Variants in UGGT1 observed in about 807,000 individuals in gnomAD.
UGGT1 encodes the protein UDP-glucose glycoprotein glucosyltransferase 1.
A neutral mutation model predicts 203.9 loss-of-function variants in UGGT1; 107 were observed. The ratio of observed to expected loss-of-function variants is 0.52; its 90% CI spans 0.45 to 0.62. The LOEUF (loss-of-function observed/expected upper bound fraction) is 0.62. Ranked by LOEUF, UGGT1 falls within the 20% of genes least tolerant of loss-of-function variation. The pLI, the probability that UGGT1 is intolerant of heterozygous loss-of-function variation, is 0.00. For missense variants in UGGT1, 1,673 were observed against 1,867.2 expected (o/e 0.90, Z 1.92); for synonymous variants, 628 against 653.5 (o/e 0.96, Z 0.59).
intron 11 of UGGT1, among the ~76,000 whole-genome samples, chr2:128,126,810 G>A (rs149230167): frequency 6.7e-6 from 1 of 149,288 alleles, no homozygotes; most frequent in African/African-American, 2.5e-5. Flanking sequence ...AGCCTCCTAG[G>A]CAGCTGGGAC....
chr2:128,187,879 T>C (rs1270745815), intron 40 of UGGT1, among the ~76,000 whole-genome samples: 3 of 152,018 alleles, frequency 2.0e-5, no homozygotes, highest in Non-Finnish European at 2.9e-5. Context: ...ATTATAGTTA[T>C]TTAGGTTCAT....
At position 128,152,767 on chromosome 2, in the gene UGGT1, CTTT is replaced by C; in HGVS notation, c.2017-10_2017-8del. 1 of 1,572,474 alleles carries C rather than the reference CTTT, an allele frequency of 6.4e-7. No homozygotes were observed. Among genetic ancestry groups the C allele is most frequent in the Non-Finnish European group, 8.6e-7 (1 of 1,161,174 alleles). On this transcript the variant is annotated splice_polypyrimidine_tract_variant and intron_variant, in intron 18 of 40. Coordinates refer to ENST00000259253, the MANE Select transcript of UGGT1 (RefSeq NM_020120.4). ...TGCTTTACCCTCCCCCCTCAACCTCCTTTTTTTTTCTTGCAGGGTGAACTGCCC... is the reference window on the plus strand; with the variant it reads ...TGCTTTACCCTCCCCCCTCAACCTCCTTTTTTCTTGCAGGGTGAACTGCCC...
chr2:128,147,619 T>G (rs1558793688), intron 18 of UGGT1, among the ~76,000 whole-genome samples: 1 of 152,080 alleles, frequency 6.6e-6, no homozygotes, highest in Non-Finnish European at 1.5e-5. Context: ...GTCTTTTTTT[T>G]TTTGTTTCTG....
At chr2:128,183,956 G>A (rs901545307) in intron 38 of UGGT1, among the ~76,000 whole-genome samples, 167 bp downstream of exon 38, 2 of 151,730 alleles carry the variant, frequency 1.3e-5, no homozygotes, top group Non-Finnish European at 2.9e-5. Context: ...GAGAGAGAGA[G>A]AGAGATTTTT....
Position 128,169,096 on chromosome 2 carries a change from A to G in UGGT1, c.2922-1192A>G, listed in dbSNP as rs993361036. 4.0e-4 allele frequency among the ~76,000 whole-genome samples: 53 copies of G among 133,348 alleles called. 1 individual carries two copies. Among genetic ancestry groups the G allele is most frequent in the African/African-American group, 1.4e-3 (49 of 35,034 alleles). The allele number at this position is 133,348 out of a possible 152,430, so 87.5% of individuals were successfully genotyped here. On this transcript the variant is annotated intron_variant, in intron 26 of 40. Transcript: ENST00000259253. Reference sequence around the variant, plus strand: ...AAAAAAAAAAAAAAAAAAAAAGACAAGGACCAGGTGTGGTGGCTTATGCCA... The same window carrying G: ...AAAAAAAAAAAAAAAAAAAAAGACAGGGACCAGGTGTGGTGGCTTATGCCA...
chr2:128,152,816 G>C lies in UGGT1; in HGVS notation c.2049G>C (p.Glu683Asp). The C allele has an allele frequency of 6.2e-7, 1 of 1,613,662 alleles. No individual in the cohort carries two copies. Residue 683 changes from glutamate (E) to aspartate (D), a missense_variant, in exon 19 of 41, where the codon GAG becomes GAC. By Grantham distance (45) the Glu-to-Asp change is conservative (BLOSUM62 2). Transcript: ENST00000259253. ...TGCCCCATGATCAAGATGTGGTAGA[G>C]TATATCATGAATCAGCCAAATGTTG... ...GELPHDQDVVEYIMNQPNVVP... is the reference protein window; with the variant it reads ...GELPHDQDVVDYIMNQPNVVP...
At chr2:128,131,032 C>T (rs939594305) in intron 13 of UGGT1, among the ~76,000 whole-genome samples, 6 of 147,312 alleles carry the variant, frequency 4.1e-5, no homozygotes, top group South Asian at 2.1e-4. Flanking sequence ...GAGGAGTTCG[C>T]GACCAGCCTG....
chr2:128,127,513 G>A, intron 12 of UGGT1, 61 bp downstream of exon 12: 1 of 1,247,142 alleles, frequency 8.0e-7, no homozygotes, highest in Non-Finnish European at 1.2e-6. Flanking sequence ...CTTGTAACAT[G>A]TTCATATTGC....
chr2:128,154,964 C>A (rs531291128), intron 19 of UGGT1, among the ~76,000 whole-genome samples: 1 of 152,190 alleles, frequency 6.6e-6, no homozygotes, highest in Admixed American at 6.5e-5. Flanking sequence ...ATGAGGATTG[C>A]CCTTTGACAC....
rs1240851259 is a variant in UGGT1, at chr2:128,195,239, G to C, written c.*5497G>C. On this transcript the variant is annotated 3_prime_UTR_variant, in exon 41 of 41. Transcript: ENST00000259253. ...GAGGCTAGCTGTGGAAGGTTGCAGT[G>C]GGACAGGAATGTATTGTATGCCTTG... 1 of 152,200 alleles carries C rather than the reference G, an allele frequency of 6.6e-6. No homozygotes were observed. Among genetic ancestry groups the C allele is most frequent in the Non-Finnish European group, 1.5e-5 (1 of 68,032 alleles). 9.4% of individuals were successfully genotyped at this position (152,200 alleles called of 1,614,324 possible).
At chr2:128,125,397 T>C (rs921777974) in intron 11 of UGGT1, among the ~76,000 whole-genome samples, 1 of 152,206 alleles carries the variant, frequency 6.6e-6, no homozygotes, top group African/African-American at 2.4e-5. Context: ...CTTGTACATG[T>C]CCTGTGTGCT....
rs895216643 is a variant in UGGT1, at chr2:128,107,795, C to T, written c.278-143C>T. The T allele has an allele frequency of 2.6e-5, 29 of 1,115,146 alleles. No homozygotes were observed. The African/African-American group carries it at 3.9e-4, about 15-fold the overall frequency. 69.1% of individuals were successfully genotyped at this position (1,115,146 alleles called of 1,614,324 possible). ...ATTTTGTACTCCAGGGAGTTTTAAGCATTTGTTGAGAGTTCAAGACAATAT... is the reference window on the plus strand; with the variant it reads ...ATTTTGTACTCCAGGGAGTTTTAAGTATTTGTTGAGAGTTCAAGACAATAT... On this transcript the variant is annotated intron_variant, in intron 3 of 40. Transcript: ENST00000259253.
rs1444735058 is a variant in UGGT1, at chr2:128,161,285, G to A, written c.2825+17G>A. 1 of 1,611,862 alleles carries A rather than the reference G, an allele frequency of 6.2e-7. No homozygotes were observed. Among genetic ancestry groups the A allele is most frequent in the East Asian group, 2.2e-5 (1 of 44,798 alleles). ...AGAAGATGTGTAAGTTTTGCCATAG[G>A]AGGAATTACAGGGGTTATATAATTG... On this transcript the variant is annotated intron_variant, in intron 25 of 40. Transcript: ENST00000259253.
intron 1 of UGGT1, chr2:128,091,732 C>G: frequency 5.6e-6 from 3 of 533,334 alleles, no homozygotes; most frequent in Non-Finnish European, 8.6e-6. Context: ...AAGCTTGATC[C>G]TCAGTGAGTT....
chr2:128,153,840 C>T (rs950498720), intron 19 of UGGT1, among the ~76,000 whole-genome samples: 1 of 152,182 alleles, frequency 6.6e-6, no homozygotes, highest in Non-Finnish European at 1.5e-5. Flanking sequence ...GAGGCCTCTT[C>T]AGCAAACACC....
At chr2:128,174,610 GT>G (rs1004585720) in intron 30 of UGGT1, among the ~76,000 whole-genome samples, 162 bp from the exon 31 acceptor site, 3 of 152,082 alleles carry the variant, frequency 2.0e-5, no homozygotes, top group African/African-American at 7.2e-5. Context: ...CTGTGCTAGA[GT>G]TTTTAATGTG....
At chr2:128,166,518 A>G (rs185995345) in intron 26 of UGGT1, among the ~76,000 whole-genome samples, 3 of 152,314 alleles carry the variant, frequency 2.0e-5, no homozygotes, top group Admixed American at 2.0e-4. Context: ...ATGACCTTCT[A>G]CAACTGTTTT....
At position 128,114,245 on chromosome 2, in the gene UGGT1, G is replaced by A. The variant is rs56661115; in HGVS notation, c.697-879G>A. Among the ~76,000 whole-genome samples, 610 of 152,024 alleles carry A rather than the reference G, an allele frequency of 4.0e-3. 6 individuals carry two copies. The highest frequency in any genetic ancestry group is 0.013 in the African/African-American group (547 of 41,446). ...TGACTCTCCTGCCTCAGCCTCCCGA[G>A]TAGCTGGGATTACAGGCACTCACCA... On this transcript the variant is annotated intron_variant, in intron 6 of 40. Coordinates refer to ENST00000259253, the MANE Select transcript of UGGT1 (RefSeq NM_020120.4).
chr2:128,137,607 C>G (rs750387801), intron 15 of UGGT1, among the ~76,000 whole-genome samples: 3 of 152,312 alleles, frequency 2.0e-5, no homozygotes, highest in Non-Finnish European at 2.9e-5. Flanking sequence ...GCTTTTGGAT[C>G]TAACATCATT....
Sources: gnomAD v4.1 joint callset for allele counts (sites outside exome capture counted in the v4.1 genomes callset) on GRCh38, gnomAD v4.1.1 for gene constraint, MANE v1.5 for transcripts, NCBI Gene and HGNC (gene_info 2026-07-23, HGNC 2026-07-21) for gene names.